RYR3: variants seen among roughly 807,000 people sequenced by gnomAD.
The protein encoded by RYR3 is ryanodine receptor 3, also known as brain ryanodine receptor-calcium release channel.
In RYR3, 207 loss-of-function variants were observed where a neutral mutation model predicts 584.3. The ratio of observed to expected loss-of-function variants is 0.35; its 90% CI spans 0.32 to 0.40. The LOEUF (loss-of-function observed/expected upper bound fraction) is 0.40, where lower values mean the gene tolerates loss of function less well. RYR3 is among the 10% of genes least tolerant of loss of function. RYR3 has a pLI of 1.00. For synonymous variants in RYR3, 2,416 were observed against 2,248.5 expected (o/e 1.07, Z -2.11); for missense variants, 5,616 against 6,089.2 (o/e 0.92, Z 2.59).
At chr15:33,388,276 A>C (rs1227733339) in intron 1 of RYR3, among the ~76,000 whole-genome samples, 3 of 152,216 alleles carry the variant, frequency 2.0e-5, no homozygotes, top group Admixed American at 6.5e-5. Context: ...ACTATCAGGC[A>C]AGTGTAAGAA....
At chr15:33,473,356 G>A in intron 1 of RYR3, 63 bp from the exon 2 acceptor site, 1 of 1,607,642 alleles carries the variant, frequency 6.2e-7, no homozygotes, top group South Asian at 1.1e-5. Context: ...GTACAGGAAG[G>A]TGACTCGGGG....
chr15:33,534,182 C>T (rs2055122543), intron 5 of RYR3, among the ~76,000 whole-genome samples: 1 of 152,172 alleles, frequency 6.6e-6, no homozygotes, highest in Non-Finnish European at 1.5e-5. Flanking sequence ...TGGCGGATGA[C>T]CTGATGTAAG....
At chr15:33,545,178 A>G (rs927309078) in intron 8 of RYR3, among the ~76,000 whole-genome samples, 1 of 152,170 alleles carries the variant, frequency 6.6e-6, no homozygotes, top group Non-Finnish European at 1.5e-5. Flanking sequence ...GAAAAAATGA[A>G]GTATTTACCA....
At chr15:33,509,942 T>C (rs891324426) in intron 3 of RYR3, among the ~76,000 whole-genome samples, 14 of 152,232 alleles carry the variant, frequency 9.2e-5, no homozygotes, top group Admixed American at 2.6e-4. Flanking sequence ...GCTTTTTCCT[T>C]GGAGAGGGAG....
intron 10 of RYR3, among the ~76,000 whole-genome samples, chr15:33,558,496 A>G (rs1488091082): frequency 6.6e-6 from 1 of 152,006 alleles, no homozygotes. Flanking sequence ...CCAGTCTATC[A>G]TTGTTGGACA....
intron 65 of RYR3, among the ~76,000 whole-genome samples, chr15:33,785,108 G>C: frequency 6.6e-6 from 1 of 152,128 alleles, no homozygotes; most frequent in African/African-American, 2.4e-5. Context: ...ATCAGTCCAC[G>C]TGCGATGCTT....
At chr15:33,396,083 G>A (rs1387991107) in intron 1 of RYR3, among the ~76,000 whole-genome samples, 1 of 152,074 alleles carries the variant, frequency 6.6e-6, no homozygotes, top group Non-Finnish European at 1.5e-5. Flanking sequence ...CAGACACTTC[G>A]GATTCATGCC....
intron 51 of RYR3, among the ~76,000 whole-genome samples, chr15:33,740,324 A>G (rs2069955845): frequency 6.6e-6 from 1 of 152,164 alleles, no homozygotes; most frequent in Non-Finnish European, 1.5e-5. Flanking sequence ...TTTTGACAAT[A>G]TCTTTGCTCA....
At chr15:33,761,093 C>A (rs112060894) in intron 60 of RYR3, among the ~76,000 whole-genome samples, 6 of 152,180 alleles carry the variant, frequency 3.9e-5, no homozygotes, top group African/African-American at 1.4e-4. Flanking sequence ...GGGACACCAG[C>A]CAAAGCAATG....
intron 8 of RYR3, among the ~76,000 whole-genome samples, chr15:33,547,661 T>G (rs2056349148): frequency 6.6e-6 from 1 of 152,180 alleles, no homozygotes; most frequent in Admixed American, 6.5e-5. Context: ...AGCATAAAGC[T>G]TTGTTCCAAC....
chr15:33,573,127 A>G (rs1356217579), intron 12 of RYR3, among the ~76,000 whole-genome samples: 1 of 149,048 alleles, frequency 6.7e-6, no homozygotes, highest in Non-Finnish European at 1.5e-5. Flanking sequence ...TGAGCTCTTT[A>G]TTCAGCTGTT....
intron 99 of RYR3, chr15:33,859,231 C>T (rs116952047): frequency 0.032 from 6,922 of 219,652 alleles, 202 homozygotes; most frequent in Non-Finnish European, 0.037. Flanking sequence ...AGCCTGAAGG[C>T]CAGGCTAACA....
At chr15:33,601,622 G>T in intron 17 of RYR3, 70 bp downstream of exon 17, 1 of 1,569,124 alleles carries the variant, frequency 6.4e-7, no homozygotes, top group Non-Finnish European at 8.7e-7. Flanking sequence ...CAGGAAAAGA[G>T]GGCTCATCTG....
chr15:33,777,350 A>C (rs2074061835), intron 64 of RYR3, among the ~76,000 whole-genome samples: 1 of 152,174 alleles, frequency 6.6e-6, no homozygotes, highest in Non-Finnish European at 1.5e-5. Context: ...TAATAACAGC[A>C]AGTCTTTGCC....
intron 63 of RYR3, 71 bp downstream of exon 63, chr15:33,772,229 A>G (rs1421822298): frequency 3.4e-6 from 3 of 894,850 alleles, no homozygotes; most frequent in Admixed American, 2.1e-5. Context: ...GGGCCCATTC[A>G]CTTACATTGA....
chr15:33,656,057 A>G (rs1370978769), intron 32 of RYR3, among the ~76,000 whole-genome samples: 1 of 152,214 alleles, frequency 6.6e-6, no homozygotes, highest in Admixed American at 6.5e-5. Flanking sequence ...ATCTACATTC[A>G]AGAGATACTC....
intron 12 of RYR3, among the ~76,000 whole-genome samples, chr15:33,578,049 A>C (rs56359768): frequency 1.3e-5 from 2 of 152,232 alleles, no homozygotes; most frequent in Non-Finnish European, 2.9e-5. Context: ...GCAAGTCAAA[A>C]CCACAATGAC....
intron 3 of RYR3, among the ~76,000 whole-genome samples, chr15:33,528,438 G>A (rs371265619): frequency 6.6e-6 from 1 of 152,106 alleles, no homozygotes; most frequent in African/African-American, 2.4e-5. Flanking sequence ...AGAATGTTGT[G>A]GCCTACTTTT....
chr15:33,622,113 C>A (rs1353533510), intron 19 of RYR3, among the ~76,000 whole-genome samples: 1 of 152,156 alleles, frequency 6.6e-6, no homozygotes, highest in Non-Finnish European at 1.5e-5. Flanking sequence ...CCCAATTGGT[C>A]CCCAGATCTA....
Sources: allele counts gnomAD v4.1 joint callset (sites outside exome capture counted in the v4.1 genomes callset), GRCh38; gene constraint gnomAD v4.1.1; transcripts MANE v1.5; gene names NCBI Gene and HGNC (gene_info 2026-07-23, HGNC 2026-07-21).